The following GALNT17 variants were observed in gnomAD, a reference collection of about 807,000 sequenced individuals.
GALNT17 encodes the protein polypeptide N-acetylgalactosaminyltransferase 17, also known as UDP-GalNAc:polypeptide N-acetylgalactosaminyltransferase-like 3.
In GALNT17, 29 loss-of-function variants were observed where a neutral mutation model predicts 63.7. The ratio of observed to expected loss-of-function variants is 0.46; its 90% confidence interval spans 0.34 to 0.62. The LOEUF is 0.62. GALNT17 is among the 20% of genes least tolerant of loss of function. The pLI, the probability that GALNT17 is intolerant of heterozygous loss-of-function variation, is 0.01. For missense variants in GALNT17, 603 were observed against 799.6 expected (o/e 0.75, Z 2.97); for synonymous variants, 305 against 318.3 (o/e 0.96, Z 0.45).
At chr7:71,652,379 C>T (rs1225531435) in intron 6 of GALNT17, among the ~76,000 whole-genome samples, 4 of 152,048 alleles carry the variant, frequency 2.6e-5, no homozygotes, top group African/African-American at 9.7e-5. Context: ...AGGAGGAAAG[C>T]CATTATGCAA....
chr7:71,689,718 TCAA>T (rs1182224714), intron 9 of GALNT17, among the ~76,000 whole-genome samples: 1 of 152,186 alleles, frequency 6.6e-6, no homozygotes, highest in African/African-American at 2.4e-5. Flanking sequence ...GTGTCTACAC[TCAA>T]CAACAGATTT....
chr7:71,556,983 C>A (rs1329568661), intron 5 of GALNT17, among the ~76,000 whole-genome samples: 2 of 151,912 alleles, frequency 1.3e-5, no homozygotes, highest in African/African-American at 4.8e-5. Flanking sequence ...GACTCCTGGG[C>A]TCAAGCAATC....
At chr7:71,433,375 A>G (rs1015453559) in intron 5 of GALNT17, among the ~76,000 whole-genome samples, 1 of 152,232 alleles carries the variant, frequency 6.6e-6, no homozygotes, top group Non-Finnish European at 1.5e-5. Flanking sequence ...GGATGGATAG[A>G]GGAGTGACTG....
At chr7:71,277,871 A>G (rs1469643963) in intron 1 of GALNT17, among the ~76,000 whole-genome samples, 1 of 152,246 alleles carries the variant, frequency 6.6e-6, no homozygotes, top group Non-Finnish European at 1.5e-5. Context: ...ACCCGTGAAG[A>G]AAAACATTTC....
intron 5 of GALNT17, among the ~76,000 whole-genome samples, chr7:71,561,090 G>A (rs1475138060): frequency 6.6e-6 from 1 of 152,122 alleles, no homozygotes; most frequent in African/African-American, 2.4e-5. Context: ...TTGGCTCACT[G>A]CAACCTCCAC....
intron 4 of GALNT17, among the ~76,000 whole-genome samples, chr7:71,417,225 T>C (rs1215213164): frequency 6.6e-6 from 1 of 152,242 alleles, no homozygotes; most frequent in East Asian, 1.9e-4. Context: ...AACATTAAAA[T>C]GTCTGTTCTT....
At chr7:71,508,954 G>A (rs182262658) in intron 5 of GALNT17, among the ~76,000 whole-genome samples, 199 of 152,210 alleles carry the variant, frequency 1.3e-3, no homozygotes, top group Admixed American at 7.7e-3. Flanking sequence ...GTGCATGCCC[G>A]TTCCCGTGTG....
chr7:71,698,577 A>G (rs1161453958), intron 9 of GALNT17, among the ~76,000 whole-genome samples: 1 of 152,026 alleles, frequency 6.6e-6, no homozygotes, highest in Non-Finnish European at 1.5e-5. Flanking sequence ...AGAGTAAACA[A>G]TAAAATAATA....
In GALNT17 at chr7:71,132,772, G is replaced by C. The variant is rs1318040038; in HGVS notation, c.-31G>C. Reference sequence around the variant, plus strand: ...CCTCGCCGGAGCCCGAGGGGGCGCAGGTCCGGGGCGAGGGCCGGCCGGGCT... The same window carrying C: ...CCTCGCCGGAGCCCGAGGGGGCGCACGTCCGGGGCGAGGGCCGGCCGGGCT... On this transcript the variant is annotated 5_prime_UTR_variant, in exon 1 of 11. Coordinates refer to ENST00000333538, the MANE Select transcript of GALNT17 (RefSeq NM_022479.3). The C allele has an allele frequency of 6.4e-7, 1 of 1,556,450 alleles. No individual in the cohort carries two copies. The highest frequency in any genetic ancestry group is 1.9e-5 in the Admixed American group (1 of 53,670).
At chr7:71,291,502 G>A (rs1325657930) in intron 1 of GALNT17, among the ~76,000 whole-genome samples, 1 of 152,076 alleles carries the variant, frequency 6.6e-6, no homozygotes, top group Non-Finnish European at 1.5e-5. Flanking sequence ...TCTAGAAAGA[G>A]ACTATATTTA....
chr7:71,335,540 C>CT lies in GALNT17; in HGVS notation c.239-5dup. The CT allele has an allele frequency of 1.3e-6, 2 of 1,547,146 alleles. No homozygotes were observed. Among genetic ancestry groups the CT allele is most frequent in the South Asian group, 1.2e-5 (1 of 82,016 alleles). On this transcript the variant is annotated splice_polypyrimidine_tract_variant and intron_variant, in intron 1 of 10. Transcript: ENST00000333538. The stretch of plus-strand genomic sequence containing the variant: ...TTTCTAATAATTCTTTTTTCTCCCA[C>CT]TTTTTCTAGGCTTATCCAAATCCCT...
rs773751908 is a variant in GALNT17, at chr7:71,228,959, T to C, written c.238+95919T>C. 4.6e-5 allele frequency among the ~76,000 whole-genome samples: 7 copies of C among 152,268 alleles called. No homozygotes were observed. The South Asian group carries it at 8.3e-4, about 18-fold the overall frequency. The stretch of plus-strand genomic sequence containing the variant: ...TTTGATCCTACCTGGCCAATACTTA[T>C]ATTGCAGGCTGTTCAGTTCCCCTAT... On this transcript the variant is annotated intron_variant, in intron 1 of 10. Coordinates refer to ENST00000333538, the MANE Select transcript of GALNT17 (RefSeq NM_022479.3).
chr7:71,584,894 A>G (rs1340761000), intron 6 of GALNT17, among the ~76,000 whole-genome samples: 1 of 152,188 alleles, frequency 6.6e-6, no homozygotes, highest in Non-Finnish European at 1.5e-5. Context: ...AGCTGGGACT[A>G]TAGGCGTCCG....
intron 1 of GALNT17, among the ~76,000 whole-genome samples, chr7:71,220,861 A>G (rs933582122): frequency 1.3e-4 from 20 of 152,134 alleles, no homozygotes; most frequent in African/African-American, 4.6e-4. Context: ...TGAAAAAATA[A>G]ATTTCTGGTG....
At chr7:71,502,934 C>T (rs1210868236) in intron 5 of GALNT17, among the ~76,000 whole-genome samples, 1 of 152,204 alleles carries the variant, frequency 6.6e-6, no homozygotes, top group Non-Finnish European at 1.5e-5. Flanking sequence ...TTAATAGGCA[C>T]ACCGTGTTAC....
intron 1 of GALNT17, among the ~76,000 whole-genome samples, chr7:71,150,636 G>A (rs530693791): frequency 1.3e-5 from 2 of 149,806 alleles, no homozygotes; most frequent in Admixed American, 6.7e-5. Flanking sequence ...TCAGCCTCCC[G>A]AGCAGCTGGG....
rs748900606 is a variant in GALNT17 at position 71,529,420 on chromosome 7, T to TA, written c.963-41856dup. ...GGATAAATTCATATTCACCTATTTG[T>TA]AAAAAAAAATCGAAGAGACTTACAG... On this transcript the variant is annotated intron_variant, in intron 5 of 10. Coordinates refer to ENST00000333538, the MANE Select transcript of GALNT17 (RefSeq NM_022479.3). 4.8e-3 allele frequency among the ~76,000 whole-genome samples: 727 copies of TA among 151,608 alleles called. 7 individuals are homozygous for TA. The highest frequency in any genetic ancestry group is 0.015 in the African/African-American group (624 of 41,380).
intron 2 of GALNT17, among the ~76,000 whole-genome samples, chr7:71,338,314 G>A (rs551068973): frequency 5.2e-4 from 79 of 151,368 alleles, no homozygotes; most frequent in Middle Eastern, 3.4e-3. Context: ...GCGAAAGAGC[G>A]AGACTCCGTC....
intron 2 of GALNT17, among the ~76,000 whole-genome samples, chr7:71,350,302 C>G (rs1196556975): frequency 6.6e-6 from 1 of 152,068 alleles, no homozygotes; most frequent in African/African-American, 2.4e-5. Flanking sequence ...TCAATCAGCT[C>G]CCACACACCA....
Sources: gnomAD v4.1 joint callset for allele counts (sites outside exome capture counted in the v4.1 genomes callset) on GRCh38, gnomAD v4.1.1 for gene constraint, MANE v1.5 for transcripts, NCBI Gene and HGNC (gene_info 2026-07-23, HGNC 2026-07-21) for gene names.